Variants in BIRC3 observed in about 807,000 individuals in gnomAD.
The protein encoded by BIRC3 is baculoviral IAP repeat-containing protein 3.
In BIRC3, 26 loss-of-function variants were observed where a neutral mutation model predicts 59.0. The ratio of observed to expected loss-of-function variants is 0.44; its 90% CI spans 0.32 to 0.61. The LOEUF is 0.61. Among genes scored for constraint, BIRC3 ranks in the 20% least tolerant of loss-of-function variants. The pLI is 0.04. For synonymous variants in BIRC3, 243 were observed against 249.2 expected (o/e 0.98, Z 0.24); for missense variants, 641 against 711.5 (o/e 0.90, Z 1.13).
chr11:102,328,393 A>G (rs1429264616), intron 4 of BIRC3, among the ~76,000 whole-genome samples: 1 of 152,250 alleles, frequency 6.6e-6, no homozygotes, highest in Admixed American at 6.5e-5. Flanking sequence ...TGACTGGGAT[A>G]GTAGTATTTA....
At chr11:102,319,269 G>A (rs1353513672) in intron 1 of BIRC3, among the ~76,000 whole-genome samples, 1 of 151,760 alleles carries the variant, frequency 6.6e-6, no homozygotes, top group Non-Finnish European at 1.5e-5. Context: ...GATGGTCTCA[G>A]TCTCCTGACC....
In BIRC3 at chr11:102,325,346, G is replaced by A; in HGVS notation, c.837G>A (p.Ala279=). The stretch of plus-strand genomic sequence containing the variant: ...TTAATCCTGAGCAGCTTGCAAGTGC[G>A]GGTTTTTATTATGTGGGTAAGAAAC... ...VLVNPEQLAS[A]GFYYVGNSDD... is the part of the protein sequence containing the mutation. Residue 279 remains alanine, a synonymous_variant, in exon 2 of 9, where the codon GCG becomes GCA. Coordinates refer to ENST00000263464, the MANE Select transcript of BIRC3 (RefSeq NM_001165.5). The A allele has an allele frequency of 3.1e-6, 5 of 1,594,574 alleles. No homozygotes were observed. The highest frequency in any genetic ancestry group is 1.7e-4 in the Middle Eastern group (1 of 5,928).
chr11:102,332,769 T>A (rs1206149171), intron 6 of BIRC3, among the ~76,000 whole-genome samples: 1 of 152,184 alleles, frequency 6.6e-6, no homozygotes, highest in Non-Finnish European at 1.5e-5. Flanking sequence ...AAAGTGTGAA[T>A]TACTCAGTCT....
In BIRC3 at chr11:102,338,714, A is replaced by G. The variant is rs991591255; in HGVS notation, c.*1612A>G. 1 of 228,322 alleles carries G rather than the reference A, an allele frequency of 4.4e-6. No homozygotes were observed. The highest frequency in any genetic ancestry group is 8.7e-6 in the Non-Finnish European group (1 of 115,100). 14.1% of individuals were successfully genotyped at this position (228,322 alleles called of 1,614,324 possible). A position where few individuals can be genotyped will look rare whatever the true frequency, so the allele number is the denominator to read the frequency against. ...TGCTATCAAGCAAGGTAGGTCAGAG[A>G]ATTTATTTATGGCCAGCTCTTACAT... On this transcript the variant is annotated 3_prime_UTR_variant, in exon 9 of 9. Coordinates refer to ENST00000263464, the MANE Select transcript of BIRC3 (RefSeq NM_001165.5).
intron 3 of BIRC3, among the ~76,000 whole-genome samples, chr11:102,326,066 G>A (rs1253788024): frequency 6.6e-6 from 1 of 152,022 alleles, no homozygotes; most frequent in South Asian, 2.1e-4. Context: ...ATTTGTCTTG[G>A]ATATATTTCC....
In BIRC3 at chr11:102,331,173, A is replaced by G; in HGVS notation, c.1256A>G (p.Asp419Gly). The change falls in exon 6 of 9, where the codon GAC (aspartate) becomes GGC (glycine). Residue 419 changes from aspartate to glycine, a missense_variant. Asp to Gly is a moderately conservative substitution (Grantham distance 94). Transcript: ENST00000263464. Reference sequence around the variant, plus strand: ...AGACTAGTCAATGATCTTGTGTTAGACTTACTCAATGCAGAAGATGAAATA... The same window carrying G: ...AGACTAGTCAATGATCTTGTGTTAGGCTTACTCAATGCAGAAGATGAAATA... ...NYRLVNDLVL[D>G]LLNAEDEIRE... The G allele has an allele frequency of 6.2e-7, 1 of 1,613,768 alleles. No homozygotes were observed. Among genetic ancestry groups the G allele is most frequent in the Non-Finnish European group, 8.5e-7 (1 of 1,179,840 alleles).
Position 102,325,063 on chromosome 11 carries a change from C to T in BIRC3, c.554C>T (p.Ser185Leu). 1 of 1,614,158 alleles carries T rather than the reference C, an allele frequency of 6.2e-7. No individual in the cohort carries two copies. The highest frequency in any genetic ancestry group is 8.5e-7 in the Non-Finnish European group (1 of 1,180,012). ...TFQTWPLTFL[S>L]PTDLAKAGFY... ...CAGACATGGCCATTGACTTTTCTGTCGCCAACAGATCTGGCAAAAGCAGGC... is the reference window on the plus strand; with the variant it reads ...CAGACATGGCCATTGACTTTTCTGTTGCCAACAGATCTGGCAAAAGCAGGC... Residue 185 changes from serine to leucine, a missense_variant, in exon 2 of 9, where the codon TCG (serine) becomes TTG (leucine). Physicochemically the swap from Ser to Leu is moderately radical, Grantham distance 145. Transcript: ENST00000263464.
chr11:102,329,227 A>G (rs945471502), intron 5 of BIRC3, among the ~76,000 whole-genome samples: 23 of 152,200 alleles, frequency 1.5e-4, no homozygotes, highest in Non-Finnish European at 2.2e-4. Flanking sequence ...AACAAACTAC[A>G]TACATCCAGC....
Position 102,324,593 on chromosome 11 carries a change from T to C in BIRC3, c.84T>C (p.Cys28=), listed in dbSNP as rs2135784189. 6.2e-7 allele frequency: 1 copy of C among 1,614,198 alleles called. No individual in the cohort carries two copies. Among genetic ancestry groups the C allele is most frequent in the Non-Finnish European group, 8.5e-7 (1 of 1,180,002 alleles). The change falls in exon 2 of 9, where the codon TGT becomes TGC. Residue 28 remains cysteine (C), a synonymous_variant. Coordinates refer to ENST00000263464, the MANE Select transcript of BIRC3 (RefSeq NM_001165.5). Reference sequence around the variant, plus strand: ...TTGAACTGAAATACGACTTGTCATGTGAACTGTACCGAATGTCTACGTATT... The same window carrying C: ...TTGAACTGAAATACGACTTGTCATGCGAACTGTACCGAATGTCTACGTATT... The part of the protein sequence containing the change: ...NTFELKYDLS[C]ELYRMSTYST...
At chr11:102,325,620 A>C (rs1591520868) in intron 3 of BIRC3, 55 bp downstream of exon 3, 1 of 1,510,866 alleles carries the variant, frequency 6.6e-7, no homozygotes, top group East Asian at 2.3e-5. Context: ...GAGATTGCTT[A>C]TATGTGTTCA....
chr11:102,328,937 A>G lies in BIRC3; in HGVS notation c.1073A>G (p.Glu358Gly). ...GACAGCCCAGGAGATGAAAATGCAG[A>G]GTCATCAAGTAAGTACAATGGATAA... ...TSDSPGDENA[E>G]SSIIHFEPGE... The change falls in exon 5 of 9, where the codon GAG becomes GGG. Residue 358 changes from glutamate (E) to glycine (G), a missense_variant. Glu to Gly is a moderately conservative substitution (Grantham distance 98, BLOSUM62 -2). Transcript: ENST00000263464. 1 of 1,453,524 alleles carries G rather than the reference A, an allele frequency of 6.9e-7. No individual in the cohort carries two copies. Among genetic ancestry groups the G allele is most frequent in the Non-Finnish European group, 9.1e-7 (1 of 1,103,490 alleles). 90.0% of individuals were successfully genotyped at this position (1,453,524 alleles called of 1,614,324 possible). A position where few individuals can be genotyped will look rare whatever the true frequency, so the allele number is the denominator to read the frequency against.
chr11:102,328,062 T>G lies in BIRC3; in HGVS notation c.964T>G (p.Leu322Val), dbSNP rs373892386. The change falls in exon 4 of 9, where the codon TTG (leucine) becomes GTG (valine). Residue 322 changes from leucine (L) to valine (V), a missense_variant. Physicochemically the swap from Leu to Val is conservative, Grantham distance 32. This residue lies in a region of BIRC3 where 268 missense variants were observed against 255.7 expected (regional missense o/e 1.05). Transcript: ENST00000263464. The stretch of plus-strand genomic sequence containing the variant: ...TTCTTTACATTTTAGGTGTGAGTAC[T>G]TGATAAGAATTAAAGGACAGGAGTT... ...HAKWFPRCEY[L>V]IRIKGQEFIR... is the part of the protein sequence containing the mutation. 45 of 1,606,616 alleles carry G rather than the reference T, an allele frequency of 2.8e-5. No individual in the cohort carries two copies. The highest frequency in any genetic ancestry group is 3.6e-5 in the Non-Finnish European group (42 of 1,177,604).
intron 6 of BIRC3, among the ~76,000 whole-genome samples, 155 bp from the exon 7 acceptor site, chr11:102,335,811 A>C (rs1951189524): frequency 6.6e-6 from 1 of 152,168 alleles, no homozygotes. Flanking sequence ...ATTATTAAGC[A>C]AAGGAGATGA....
chr11:102,319,428 A>T (rs1390166976), intron 1 of BIRC3, among the ~76,000 whole-genome samples: 1 of 152,196 alleles, frequency 6.6e-6, no homozygotes, highest in South Asian at 2.1e-4. Flanking sequence ...AGGCCAGTCG[A>T]GAGTGACAGG....
Position 102,321,414 on chromosome 11 carries a change from G to T in BIRC3, c.-2673-423G>T, listed in dbSNP as rs150517735. On this transcript the variant is annotated intron_variant, in intron 1 of 8. Coordinates refer to ENST00000263464, the MANE Select transcript of BIRC3 (RefSeq NM_001165.5). ...GTGTCACCCAGGCTGGAGTGTAGTG[G>T]CACTATTTCGGCCCACTGCAACCTC... Among the ~76,000 whole-genome samples, 8 of 152,006 alleles carry T rather than the reference G, an allele frequency of 5.3e-5. No individual in the cohort carries two copies. In the East Asian group the frequency reaches 1.5e-3, roughly 29 times the overall value.
chr11:102,334,608 T>C (rs1222746824), intron 6 of BIRC3, among the ~76,000 whole-genome samples: 4 of 152,232 alleles, frequency 2.6e-5, no homozygotes, highest in Non-Finnish European at 5.9e-5. Context: ...ATTCTTCAGA[T>C]AGCTCAGCCT....
At chr11:102,319,043 ATT>A (rs35835532) in intron 1 of BIRC3, among the ~76,000 whole-genome samples, 14 of 131,536 alleles carry the variant, frequency 1.1e-4, no homozygotes, top group East Asian at 2.3e-4. Flanking sequence ...TTGAAAGAGG[ATT>A]TTTTTTTTTT....
rs535465454 is a variant in BIRC3, at chr11:102,322,666, T to C, written c.-1844T>C. 4.8e-6 allele frequency: 1 copy of C among 209,420 alleles called. No individual in the cohort carries two copies. Among genetic ancestry groups the C allele is most frequent in the Admixed American group, 5.9e-5 (1 of 16,956 alleles). The allele number at this position is 209,420 out of a possible 1,614,324, so 13.0% of individuals were successfully genotyped here. A position where few individuals can be genotyped will look rare whatever the true frequency, so the allele number is the denominator to read the frequency against. On this transcript the variant is annotated 5_prime_UTR_variant, in exon 2 of 9. Transcript: ENST00000263464. Reference sequence around the variant, plus strand: ...ACTTACCTTTGAGGGAAATAATTGTTGGTAATGAGATGTGATGTTTCTCCT... The same window carrying C: ...ACTTACCTTTGAGGGAAATAATTGTCGGTAATGAGATGTGATGTTTCTCCT...
At position 102,337,648 on chromosome 11, in the gene BIRC3, A is replaced by T; in HGVS notation, c.*546A>T. 1 of 330,938 alleles carries T rather than the reference A, an allele frequency of 3.0e-6. No homozygotes were observed. The highest frequency in any genetic ancestry group is 5.5e-6 in the Non-Finnish European group (1 of 183,462). 20.5% of individuals were successfully genotyped at this position (330,938 alleles called of 1,614,324 possible). ...TGTCCTATACATCGAAGGTGTGCAT[A>T]TATGTTGAATGACATTTTAGGGACA... On this transcript the variant is annotated 3_prime_UTR_variant, in exon 9 of 9. Coordinates refer to ENST00000263464, the MANE Select transcript of BIRC3 (RefSeq NM_001165.5).
Sources: gnomAD v4.1 joint callset for allele counts (sites outside exome capture counted in the v4.1 genomes callset) on GRCh38, gnomAD v4.1.1 for gene constraint, gnomAD v4.1.1 regional missense constraint, MANE v1.5 for transcripts, NCBI Gene and HGNC (gene_info 2026-07-23, HGNC 2026-07-21) for gene names.